Variants in VPS13B observed in about 807,000 individuals in gnomAD.
The protein encoded by VPS13B is intermembrane lipid transfer protein VPS13B.
A neutral mutation model predicts 426.4 loss-of-function variants in VPS13B; 285 were observed. The ratio of observed to expected loss-of-function variants is 0.67; its 90% CI spans 0.61 to 0.74. The LOEUF (loss-of-function observed/expected upper bound fraction) is 0.74. Ranked by LOEUF, VPS13B falls within the 30% of genes least tolerant of loss-of-function variation. VPS13B has a pLI of 0.00. For missense variants in VPS13B, 4,537 were observed against 4,782.6 expected (o/e 0.95, Z 1.51); for synonymous variants, 1,676 against 1,676.4 (o/e 1.00, Z 0.01).
In VPS13B at chr8:99,121,551, T is replaced by A. The variant is rs1030651351; in HGVS notation, c.1206+106T>A. 3 of 1,545,370 alleles carry A rather than the reference T, an allele frequency of 1.9e-6. No individual in the cohort carries two copies. The Admixed American group carries it at 5.8e-5, about 30-fold the overall frequency. On this transcript the variant is annotated intron_variant, in intron 8 of 61. Transcript: ENST00000357162. Reference sequence around the variant, plus strand: ...TCAAGTTTGCTTTGCATTCAGTAGATGTGAGATAGAGTCTAACAGTTCTTA... The same window carrying A: ...TCAAGTTTGCTTTGCATTCAGTAGAAGTGAGATAGAGTCTAACAGTTCTTA...
At chr8:99,740,990 A>C (rs1809690416) in intron 39 of VPS13B, among the ~76,000 whole-genome samples, 1 of 152,220 alleles carries the variant, frequency 6.6e-6, no homozygotes, top group Admixed American at 6.5e-5. Context: ...CCTTAAATGT[A>C]AATGGGCTAA....
At chr8:99,489,117 C>G (rs1820457357) in intron 25 of VPS13B, among the ~76,000 whole-genome samples, 1 of 152,126 alleles carries the variant, frequency 6.6e-6, no homozygotes, top group African/African-American at 2.4e-5. Flanking sequence ...GCCAGTTTTC[C>G]CAGCACTATT....
At position 99,501,785 on chromosome 8, in the gene VPS13B, T is replaced by C. The variant is rs769239175; in HGVS notation, c.3969T>C (p.Ser1323=). 2 of 1,614,132 alleles carry C rather than the reference T, an allele frequency of 1.2e-6. No individual in the cohort carries two copies. The highest frequency in any genetic ancestry group is 1.7e-6 in the Non-Finnish European group (2 of 1,180,036). The change falls in exon 26 of 62, where the codon AGT becomes AGC. Residue 1323 remains serine (S), a synonymous_variant. Transcript: ENST00000357162. ...TTGGAGGAACCAGTGGACGTGTTAG[T>C]TTATGGATGCAGTGGGTGCTTCCCA... ...SNIGGTSGRV[S]LWMQWVLPKI... is the part of the protein sequence containing the mutation.
chr8:99,431,597 G>C lies in VPS13B; in HGVS notation c.3143G>C (p.Ser1048Thr). 1 of 1,613,452 alleles carries C rather than the reference G, an allele frequency of 6.2e-7. No individual in the cohort carries two copies. The highest frequency in any genetic ancestry group is 1.1e-5 in the South Asian group (1 of 91,056). Residue 1048 changes from serine (S) to threonine (T), a missense_variant, in exon 22 of 62, where the codon AGT (serine) becomes ACT (threonine). Around this residue, in one of 2 missense-constraint regions of VPS13B, gnomAD observed 4,311 missense variants for 4,474.3 expected, o/e 0.96. Transcript: ENST00000357162. ...AMLNISESCRSPEERMKEFIG... is the reference protein window; with the variant it reads ...AMLNISESCRTPEERMKEFIG... ...TTGAATATATCTGAAAGCTGTAGAA[G>C]TCCTGAAGAAAGAATGAAGGAATTT...
At chr8:99,198,062 T>C (rs955898911) in intron 17 of VPS13B, among the ~76,000 whole-genome samples, 1 of 152,170 alleles carries the variant, frequency 6.6e-6, no homozygotes, top group African/African-American at 2.4e-5. Context: ...TTATGTTATA[T>C]GAATTTTATC....
intron 15 of VPS13B, among the ~76,000 whole-genome samples, chr8:99,165,739 T>C (rs1472738214): frequency 6.6e-6 from 1 of 152,214 alleles, no homozygotes. Context: ...TGAAAGCACA[T>C]CTACCTTACC....
intron 19 of VPS13B, among the ~76,000 whole-genome samples, chr8:99,296,395 T>C (rs1375028139): frequency 6.6e-6 from 1 of 152,146 alleles, no homozygotes; most frequent in Non-Finnish European, 1.5e-5. Context: ...TACTACATAT[T>C]TATATATAGG....
intron 23 of VPS13B, among the ~76,000 whole-genome samples, chr8:99,458,311 C>T (rs1024138689): frequency 5.9e-5 from 9 of 152,118 alleles, no homozygotes; most frequent in Admixed American, 3.3e-4. Context: ...TTAATCCAGT[C>T]TATCGTTGTT....
intron 19 of VPS13B, among the ~76,000 whole-genome samples, chr8:99,291,717 A>T: frequency 6.6e-6 from 1 of 152,138 alleles, no homozygotes. Context: ...TATTAGAAAG[A>T]TCTCTCAAGG....
intron 17 of VPS13B, chr8:99,209,654 A>C (rs886605267): frequency 1.4e-6 from 1 of 724,004 alleles, no homozygotes; most frequent in East Asian, 1.1e-4. Context: ...TGATCCTCCC[A>C]CCTCAACCTC....
chr8:99,170,048 T>C lies in VPS13B; in HGVS notation c.2218T>C (p.Phe740Leu). The C allele has an allele frequency of 6.2e-7, 1 of 1,612,770 alleles. No homozygotes were observed. The highest frequency in any genetic ancestry group is 8.5e-7 in the Non-Finnish European group (1 of 1,178,894). Residue 740 changes from phenylalanine to leucine, a missense_variant, in exon 16 of 62, where the codon TTC becomes CTC. Phe to Leu is a conservative substitution (Grantham distance 22). Transcript: ENST00000357162. ...TTTCTTTTTGTTTTAGATATTTGGT[T>C]TCCAGGCAGGACTGACGTCTTTGGA... ...YVHCYLKIFG[F>L]QAGLTSLDCS...
At chr8:99,137,382 G>C (rs1810127960) in intron 12 of VPS13B, among the ~76,000 whole-genome samples, 1 of 151,846 alleles carries the variant, frequency 6.6e-6, no homozygotes, top group Non-Finnish European at 1.5e-5. Context: ...TGATTTCAGT[G>C]TATTAGGTGA....
intron 30 of VPS13B, among the ~76,000 whole-genome samples, chr8:99,541,479 C>T (rs528456730): frequency 2.6e-5 from 4 of 152,016 alleles, no homozygotes; most frequent in Admixed American, 1.3e-4. Flanking sequence ...AGGTGTTTGT[C>T]CTAATGCTCT....
At chr8:99,071,114 G>C (rs1844829621) in intron 3 of VPS13B, among the ~76,000 whole-genome samples, 1 of 152,088 alleles carries the variant, frequency 6.6e-6, no homozygotes, top group Admixed American at 6.5e-5. Flanking sequence ...TTTGTTTGGT[G>C]AGGTCATGTT....
chr8:99,185,876 T>C (rs1813194717), intron 16 of VPS13B, among the ~76,000 whole-genome samples: 1 of 152,160 alleles, frequency 6.6e-6, no homozygotes, highest in South Asian at 2.1e-4. Flanking sequence ...TTATAGTTTG[T>C]CAACAAATGG....
At chr8:99,519,516 G>T (rs1286209250) in intron 29 of VPS13B, among the ~76,000 whole-genome samples, 1 of 151,972 alleles carries the variant, frequency 6.6e-6, no homozygotes, top group African/African-American at 2.4e-5. Context: ...TGTTTGTTGC[G>T]GCACTATTCA....
intron 21 of VPS13B, among the ~76,000 whole-genome samples, chr8:99,421,141 G>A (rs371238464): frequency 1.8e-4 from 28 of 152,086 alleles, no homozygotes; most frequent in African/African-American, 6.3e-4. Context: ...AACACAAGCT[G>A]ACTCCAAGTG....
chr8:99,668,539 G>GT (rs1830577868), intron 35 of VPS13B, among the ~76,000 whole-genome samples: 1 of 152,010 alleles, frequency 6.6e-6, no homozygotes. Flanking sequence ...TTTAGCATTT[G>GT]TTTTTAGAAA....
At chr8:99,231,304 G>A (rs886340829) in intron 17 of VPS13B, among the ~76,000 whole-genome samples, 7 of 150,680 alleles carry the variant, frequency 4.6e-5, no homozygotes, top group Admixed American at 4.6e-4. Context: ...TATTTCTTTT[G>A]TTGTTGTTGT....
Sources: gnomAD v4.1 joint callset for allele counts (sites outside exome capture counted in the v4.1 genomes callset) on GRCh38, gnomAD v4.1.1 for gene constraint, gnomAD v4.1.1 regional missense constraint, MANE v1.5 for transcripts, NCBI Gene and HGNC (gene_info 2026-07-23, HGNC 2026-07-21) for gene names.